C11orf54: variants seen among roughly 807,000 people sequenced by gnomAD.
C11orf54 encodes beta-keto-L-gulonate decarboxylase, also known as beta-keto L-gulonate decarboxylase.
A neutral mutation model predicts 35.5 loss-of-function variants in C11orf54; 29 were observed. The observed-to-expected ratio is 0.82, with a 90% CI of 0.61 to 1.11. The LOEUF (loss-of-function observed/expected upper bound fraction) is 1.11, where lower values mean the gene tolerates loss of function less well. C11orf54 is among the 50% of genes most tolerant of loss of function. The pLI is 0.00. For synonymous variants in C11orf54, 108 were observed against 121.1 expected (o/e 0.89, Z 0.71); for missense variants, 373 against 369.2 (o/e 1.01, Z -0.08).
chr11:93,750,657 T>C (rs1011892196), intron 3 of C11orf54, among the ~76,000 whole-genome samples: 3 of 152,256 alleles, frequency 2.0e-5, no homozygotes, highest in South Asian at 4.1e-4. Flanking sequence ...TATTCACTTA[T>C]GTAACCTTCA....
intron 8 of C11orf54, among the ~76,000 whole-genome samples, chr11:93,760,432 C>T (rs1943395555): frequency 6.6e-6 from 1 of 151,894 alleles, no homozygotes; most frequent in South Asian, 2.1e-4. Context: ...GGTCACATGC[C>T]CCAGTATTCT....
Position 93,762,188 on chromosome 11 carries a change from T to A in C11orf54, c.*500T>A, listed in dbSNP as rs1186828117. 1 of 152,228 alleles carries A rather than the reference T, an allele frequency of 6.6e-6. No individual in the cohort carries two copies. The highest frequency in any genetic ancestry group is 1.9e-4 in the East Asian group (1 of 5,206). 9.4% of individuals were successfully genotyped at this position (152,228 alleles called of 1,614,324 possible). On this transcript the variant is annotated 3_prime_UTR_variant, in exon 9 of 9. Transcript: ENST00000354421. ...ACTATGTATTTAGTAGTATCTTATATTTGTATAACATTATTACATTTTGCA... is the reference window on the plus strand; with the variant it reads ...ACTATGTATTTAGTAGTATCTTATAATTGTATAACATTATTACATTTTGCA...
At chr11:93,755,158 A>G in intron 5 of C11orf54, 52 bp from the exon 6 acceptor site, 1 of 1,529,844 alleles carries the variant, frequency 6.5e-7, no homozygotes, top group Non-Finnish European at 9.0e-7. Context: ...TATTCAAGAT[A>G]TTCTCTTTGC....
chr11:93,759,705 T>G, intron 7 of C11orf54, 37 bp from the exon 8 acceptor site: 3 of 1,053,240 alleles, frequency 2.8e-6, no homozygotes, highest in Non-Finnish European at 4.1e-6. Context: ...TTAGTAATAT[T>G]CAGTATGTTT....
rs372710729 is a variant in C11orf54 at position 93,747,626 on chromosome 11, A to G, written c.55+178A>G. Among the ~76,000 whole-genome samples the G allele has an allele frequency of 8.8e-5, 10 of 114,172 alleles. No homozygotes were observed. In the East Asian group the frequency reaches 1.6e-3, roughly 18 times the overall value. 74.9% of individuals were successfully genotyped at this position (114,172 alleles called of 152,430 possible). Reference sequence around the variant, plus strand: ...TCAGTATCTGTTCTGTCCCATTTTTATTGAGAAAGTCCAAATTCTGTCTAA... The same window carrying G: ...TCAGTATCTGTTCTGTCCCATTTTTGTTGAGAAAGTCCAAATTCTGTCTAA... On this transcript the variant is annotated intron_variant, in intron 2 of 8. Coordinates refer to ENST00000354421, the MANE Select transcript of C11orf54 (RefSeq NM_001286069.2).
Position 93,753,708 on chromosome 11 carries a change from G to C in C11orf54, c.181G>C (p.Glu61Gln). 6.2e-7 allele frequency: 1 copy of C among 1,613,978 alleles called. No homozygotes were observed. Among genetic ancestry groups the C allele is most frequent in the Admixed American group, 1.7e-5 (1 of 60,008 alleles). ...KGICGKTRIA[E>Q]VGGVPYLLPL... The stretch of plus-strand genomic sequence containing the variant: ...CATCTGTGGGAAAACTAGAATTGCA[G>C]AAGTTGGAGGTGTGCCTTACTTATT... The change falls in exon 4 of 9, where the codon GAA (glutamate) becomes CAA (glutamine). Residue 61 changes from glutamate (E) to glutamine (Q), a missense_variant. Transcript: ENST00000354421.
At chr11:93,758,637 C>T (rs1565273841) in intron 7 of C11orf54, among the ~76,000 whole-genome samples, 3 of 152,378 alleles carry the variant, frequency 2.0e-5, no homozygotes, top group South Asian at 4.1e-4. Flanking sequence ...GCCAGGTGTG[C>T]ACACGCTCAG....
rs371962374 is a variant in C11orf54 at position 93,755,193 on chromosome 11, C to A, written c.331-17C>A. On this transcript the variant is annotated splice_polypyrimidine_tract_variant and intron_variant, in intron 5 of 8. Transcript: ENST00000354421. ...CAGAGATACAAAGATTGACTAATTG[C>A]CTCACTTTCTTTTCAGTTTATGCCA... 4.3e-6 allele frequency: 7 copies of A among 1,610,924 alleles called. No homozygotes were observed. The highest frequency in any genetic ancestry group is 5.9e-6 in the Non-Finnish European group (7 of 1,177,668).
chr11:93,743,645 G>A (rs1377866118), intron 1 of C11orf54, among the ~76,000 whole-genome samples: 2 of 152,210 alleles, frequency 1.3e-5, no homozygotes, highest in African/African-American at 4.8e-5. Context: ...TGTGTCTAGG[G>A]GATGCCCGCG....
rs759387581 is a variant in C11orf54 at position 93,761,573 on chromosome 11, A to C, written c.833A>C (p.His278Pro). The C allele has an allele frequency of 2.5e-6, 4 of 1,612,650 alleles. No homozygotes were observed. Among genetic ancestry groups the C allele is most frequent in the Non-Finnish European group, 3.4e-6 (4 of 1,179,478 alleles). The change falls in exon 9 of 9, where the codon CAC (histidine) becomes CCC (proline). Residue 278 changes from histidine to proline, a missense_variant. His to Pro is a moderately conservative substitution (Grantham distance 77). Coordinates refer to ENST00000354421, the MANE Select transcript of C11orf54 (RefSeq NM_001286069.2). ...TTTAGTCGTCATGGAGAAGGTGGAC[A>C]CTACCATTATGACACTACTCCAGAT... ...HFFSRHGEGG[H>P]YHYDTTPDIV...
intron 8 of C11orf54, 82 bp from the exon 9 acceptor site, chr11:93,761,433 T>C (rs193170554): frequency 2.3e-6 from 3 of 1,288,774 alleles, no homozygotes; most frequent in East Asian, 4.9e-5. Context: ...ATAAAAACTA[T>C]TGCAACGTAA....
Position 93,754,000 on chromosome 11 carries a change from G to A in C11orf54, c.293G>A (p.Gly98Glu), listed in dbSNP as rs1488489144. ...CCTGGAGCCTTTATTCTTGGAGCAGGAGCAGGTCCATTTCAGACTCTCGGG... is the reference window on the plus strand; with the variant it reads ...CCTGGAGCCTTTATTCTTGGAGCAGAAGCAGGTCCATTTCAGACTCTCGGG... The part of the protein sequence containing the change: ...KLPGAFILGA[G>E]AGPFQTLGFN... Residue 98 changes from glycine (G) to glutamate (E), a missense_variant, in exon 5 of 9, where the codon GGA becomes GAA. Physicochemically the swap from Gly to Glu is moderately conservative, Grantham distance 98. Transcript: ENST00000354421. 2 of 1,614,120 alleles carry A rather than the reference G, an allele frequency of 1.2e-6. No individual in the cohort carries two copies. Among genetic ancestry groups the A allele is most frequent in the Admixed American group, 1.7e-5 (1 of 60,020 alleles).
intron 3 of C11orf54, among the ~76,000 whole-genome samples, chr11:93,751,819 T>TA (rs1942848167): frequency 8.0e-6 from 1 of 124,690 alleles, no homozygotes; most frequent in African/African-American, 2.9e-5. Context: ...AAATGGTTAA[T>TA]CTTTTTTTTT....
At chr11:93,751,399 G>GTTTTT (rs71064778) in intron 3 of C11orf54, among the ~76,000 whole-genome samples, 3 of 74,696 alleles carry the variant, frequency 4.0e-5, no homozygotes, top group African/African-American at 1.6e-4. Flanking sequence ...CTTTTTTATA[G>GTTTTT]TTTTTTTTTT....
intron 2 of C11orf54, among the ~76,000 whole-genome samples, chr11:93,749,016 C>T (rs957264657): frequency 3.3e-5 from 5 of 151,336 alleles, no homozygotes; most frequent in Admixed American, 2.6e-4. Context: ...TGGTGGCGGG[C>T]GCCTGTAACC....
intron 1 of C11orf54, 133 bp from the exon 2 acceptor site, chr11:93,747,164 T>C (rs1026127653): frequency 2.9e-6 from 1 of 346,382 alleles, no homozygotes. Flanking sequence ...AGTGTAAGTA[T>C]TAAAAGGCCA....
rs1462024372 is a variant in C11orf54 at position 93,759,807 on chromosome 11, T to C, written c.723T>C (p.Tyr241=). ...AAGTGAATAAATGGTTGCATTTTTATGAAATGAAAGCTCCTTTGGTTTGTC... is the reference window on the plus strand; with the variant it reads ...AAGTGAATAAATGGTTGCATTTTTACGAAATGAAAGCTCCTTTGGTTTGTC... The part of the protein sequence containing the change: ...DEEVNKWLHF[Y]EMKAPLVCLP... The change falls in exon 8 of 9, where the codon TAT becomes TAC. Residue 241 remains tyrosine (Y), a synonymous_variant. Coordinates refer to ENST00000354421, the MANE Select transcript of C11orf54 (RefSeq NM_001286069.2). The C allele has an allele frequency of 1.2e-6, 2 of 1,611,366 alleles. No homozygotes were observed. Among genetic ancestry groups the C allele is most frequent in the Admixed American group, 3.3e-5 (2 of 59,980 alleles).
At chr11:93,754,984 C>G (rs1413414232) in intron 5 of C11orf54, 2 of 363,346 alleles carry the variant, frequency 5.5e-6, no homozygotes, top group South Asian at 3.0e-5. Context: ...TGATCCGCCC[C>G]CCTTGGCCTC....
At chr11:93,758,440 C>G (rs1712122669) in intron 7 of C11orf54, among the ~76,000 whole-genome samples, 1 of 152,234 alleles carries the variant, frequency 6.6e-6, no homozygotes, top group African/African-American at 2.4e-5. Flanking sequence ...CTTCTCCACA[C>G]AGCTGCAGCT....
Sources: gnomAD v4.1 joint callset for allele counts (sites outside exome capture counted in the v4.1 genomes callset) on GRCh38, gnomAD v4.1.1 for gene constraint, MANE v1.5 for transcripts, NCBI Gene and HGNC (gene_info 2026-07-23, HGNC 2026-07-21) for gene names.